UBE3D: variants seen among roughly 807,000 people sequenced by gnomAD.
UBE3D encodes E3 ubiquitin-protein ligase E3D.
A neutral mutation model predicts 49.6 loss-of-function variants in UBE3D; 48 were observed. That is an observed-to-expected ratio of 0.97 (90% confidence interval 0.77 to 1.23). UBE3D has a LOEUF of 1.23. Ranked by LOEUF, UBE3D falls within the 50% of genes most tolerant of loss-of-function variation. The pLI is 0.00. For synonymous variants in UBE3D, 189 were observed against 174.2 expected, an observed-to-expected ratio of 1.08 and a Z score of -0.67; for missense variants, 452 against 468.4, an observed-to-expected ratio of 0.96 and a Z score of 0.32.
chr6:82,947,163 C>T (rs956582533), intron 9 of UBE3D, among the ~76,000 whole-genome samples: 10 of 151,666 alleles, frequency 6.6e-5, no homozygotes, highest in Non-Finnish European at 1.5e-4. Context: ...CTTATATCAT[C>T]CAAAATAGAT....
intron 3 of UBE3D, among the ~76,000 whole-genome samples, chr6:83,050,217 TAATTAATTTGACAAG>T (rs1783377348): frequency 6.8e-6 from 1 of 147,642 alleles, no homozygotes; most frequent in African/African-American, 2.5e-5. Context: ...CTTATTTCTA[TAATTAATTTGACAAG>T]AACCTTTTTT....
chr6:82,899,254 A>G (rs1048113685), intron 9 of UBE3D, among the ~76,000 whole-genome samples: 1 of 152,190 alleles, frequency 6.6e-6, no homozygotes, highest in South Asian at 2.1e-4. Flanking sequence ...AAGCAGTCCA[A>G]TGAGGAAGAA....
chr6:83,030,820 A>G (rs1390818745), intron 5 of UBE3D, among the ~76,000 whole-genome samples: 3 of 152,144 alleles, frequency 2.0e-5, no homozygotes, highest in African/African-American at 7.2e-5. Context: ...CAAAATGCTG[A>G]TAGTGATATG....
At chr6:82,954,717 G>T (rs2324139) in intron 9 of UBE3D, among the ~76,000 whole-genome samples, 1 of 151,972 alleles carries the variant, frequency 6.6e-6, no homozygotes, top group African/African-American at 2.4e-5. Context: ...AATTAGAAGC[G>T]CCATTCCTCG....
In UBE3D at chr6:83,022,565, T is replaced by G. The variant is rs1350838730; in HGVS notation, c.738-4A>C. On this transcript the variant is annotated splice_region_variant and splice_polypyrimidine_tract_variant and intron_variant, in intron 6 of 9. Coordinates refer to ENST00000369747, the MANE Select transcript of UBE3D (RefSeq NM_198920.3). The stretch of plus-strand genomic sequence containing the variant: ...CACGCTCTGGACAAACCAAGACCTG[T>G]TTGAACAGAAATCAATTTTTACAAT... The G allele has an allele frequency of 6.4e-7, 1 of 1,560,426 alleles. No homozygotes were observed. Among genetic ancestry groups the G allele is most frequent in the Non-Finnish European group, 8.6e-7 (1 of 1,159,688 alleles).
At chr6:82,980,843 T>A (rs970025505) in intron 8 of UBE3D, among the ~76,000 whole-genome samples, 1 of 152,070 alleles carries the variant, frequency 6.6e-6, no homozygotes, top group Non-Finnish European at 1.5e-5. Context: ...ATTTTTGTCA[T>A]CTTTGTCAAA....
the UBE3D span, among the ~76,000 whole-genome samples, chr6:82,881,135 G>A: frequency 6.6e-6 from 1 of 152,182 alleles, no homozygotes; most frequent in Admixed American, 6.6e-5. Flanking sequence ...CAGTTGTGGA[G>A]GACCTTGAAA....
chr6:83,044,680 C>T (rs1782906528), intron 3 of UBE3D, 21 bp from the exon 4 acceptor site: 1 of 1,567,316 alleles, frequency 6.4e-7, no homozygotes, highest in African/African-American at 1.4e-5. Context: ...GAGGAAAAAT[C>T]ATTTTTCACA....
At chr6:82,940,511 C>G (rs754989582) in intron 9 of UBE3D, among the ~76,000 whole-genome samples, 1 of 152,168 alleles carries the variant, frequency 6.6e-6, no homozygotes, top group Admixed American at 6.5e-5. Context: ...TCCAGGGACC[C>G]GAAGGTGCCA....
At chr6:82,883,513 C>T in the UBE3D span, among the ~76,000 whole-genome samples, 6 of 152,120 alleles carry the variant, frequency 3.9e-5, no homozygotes, top group African/African-American at 1.2e-4. Context: ...AGAGCGCCCA[C>T]GCTTCAAAAA....
intron 9 of UBE3D, among the ~76,000 whole-genome samples, chr6:82,941,718 C>T (rs916929474): frequency 2.6e-5 from 4 of 152,076 alleles, no homozygotes; most frequent in East Asian, 1.9e-4. Context: ...ATGCTGCTCT[C>T]GTGATAGTGA....
At chr6:82,992,265 C>T (rs1057335790) in intron 8 of UBE3D, among the ~76,000 whole-genome samples, 9 of 143,062 alleles carry the variant, frequency 6.3e-5, no homozygotes, top group African/African-American at 2.1e-4. Flanking sequence ...CTCTGTTGCC[C>T]GGGCTGGAGT....
intron 9 of UBE3D, among the ~76,000 whole-genome samples, chr6:82,941,199 A>C (rs1774985909): frequency 6.6e-6 from 1 of 152,180 alleles, no homozygotes; most frequent in African/African-American, 2.4e-5. Flanking sequence ...GAGCAAGACT[A>C]TCTCCAAAAA....
intron 9 of UBE3D, among the ~76,000 whole-genome samples, chr6:82,902,706 G>C (rs954823357): frequency 1.3e-5 from 2 of 152,130 alleles, no homozygotes; most frequent in Non-Finnish European, 2.9e-5. Flanking sequence ...TATGGTGGTA[G>C]ATACACAAAC....
intron 8 of UBE3D, among the ~76,000 whole-genome samples, chr6:82,991,288 A>C (rs1292401029): frequency 6.6e-6 from 1 of 152,222 alleles, no homozygotes; most frequent in Non-Finnish European, 1.5e-5. Flanking sequence ...TAAAGAAAGG[A>C]ACATGAAAGA....
At chr6:82,966,458 G>A (rs1582491308) in intron 8 of UBE3D, among the ~76,000 whole-genome samples, 1 of 77,800 alleles carries the variant, frequency 1.3e-5, no homozygotes, top group South Asian at 3.5e-4. Context: ...AGACCATCCC[G>A]GCTAAAACGG....
intron 8 of UBE3D, among the ~76,000 whole-genome samples, chr6:82,975,324 A>G (rs552241513): frequency 1.1e-3 from 170 of 152,272 alleles, no homozygotes; most frequent in African/African-American, 3.9e-3. Flanking sequence ...TAATATTTTG[A>G]TAAGTTTTAA....
chr6:83,015,816 G>A lies in UBE3D; in HGVS notation c.1010+3157C>T, dbSNP rs114877272. Among the ~76,000 whole-genome samples, 378 of 152,282 alleles carry A rather than the reference G, an allele frequency of 2.5e-3. 4 individuals are homozygous for A. Among genetic ancestry groups the A allele is most frequent in the African/African-American group, 7.8e-3 (324 of 41,554 alleles). ...CCTGTTGCCTCAGGCAGTAAAGGGT[G>A]TATCTTCTCAGACAAAGGTGGAAAG... On this transcript the variant is annotated intron_variant, in intron 8 of 9. Coordinates refer to ENST00000369747, the MANE Select transcript of UBE3D (RefSeq NM_198920.3).
chr6:82,881,738 C>T, the UBE3D span, among the ~76,000 whole-genome samples: 583 of 152,248 alleles, frequency 3.8e-3, 6 homozygotes, highest in African/African-American at 0.013. Context: ...ACAGTTCATG[C>T]GGAACTCAGC....
Sources: gnomAD v4.1 joint callset for allele counts (sites outside exome capture counted in the v4.1 genomes callset) on GRCh38, gnomAD v4.1.1 for gene constraint, MANE v1.5 for transcripts, NCBI Gene and HGNC (gene_info 2026-07-23, HGNC 2026-07-21) for gene names.